Variants in FHOD3 observed in about 807,000 individuals in gnomAD.
The protein encoded by FHOD3 is formin homology 2 domain containing 3, also known as FH1/FH2 domain-containing protein 3.
Under a neutral mutation model 173.0 loss-of-function variants are expected in FHOD3, and 90 were observed. The ratio of observed to expected loss-of-function variants is 0.52; its 90% CI spans 0.44 to 0.62. The LOEUF (loss-of-function observed/expected upper bound fraction) is 0.62. Ranked by LOEUF, FHOD3 falls within the 20% of genes least tolerant of loss-of-function variation. The pLI is 0.00. For synonymous variants in FHOD3, 828 were observed against 823.0 expected (o/e 1.01, Z -0.10); for missense variants, 1,945 against 2,034.7 (o/e 0.96, Z 0.85).
At chr18:36,462,288 CGT>C (rs148480762) in intron 3 of FHOD3, among the ~76,000 whole-genome samples, 1,976 of 149,616 alleles carry the variant, frequency 0.013, 44 homozygotes, top group African/African-American at 0.046. Flanking sequence ...TCAGTTCTCT[CGT>C]GTGTGTGTGT....
At chr18:36,563,863 G>T (rs539128476) in intron 5 of FHOD3, among the ~76,000 whole-genome samples, 2 of 152,210 alleles carry the variant, frequency 1.3e-5, no homozygotes, top group South Asian at 2.1e-4. Flanking sequence ...CATATCAGCT[G>T]CACCCTTCTC....
chr18:36,350,201 C>T (rs1409250046), intron 1 of FHOD3, among the ~76,000 whole-genome samples: 2 of 152,174 alleles, frequency 1.3e-5, no homozygotes, highest in Admixed American at 6.5e-5. Flanking sequence ...TGAGGTCCTG[C>T]TTTATTGGTG....
At chr18:36,386,930 A>T (rs1341088535) in intron 3 of FHOD3, among the ~76,000 whole-genome samples, 1 of 152,168 alleles carries the variant, frequency 6.6e-6, no homozygotes, top group African/African-American at 2.4e-5. Context: ...TGTGGGTAGA[A>T]CTTCTGATGT....
chr18:36,326,635 G>A (rs111622653), intron 1 of FHOD3, among the ~76,000 whole-genome samples: 2,590 of 152,072 alleles, frequency 0.017, 65 homozygotes, highest in African/African-American at 0.058. Flanking sequence ...ATTAGTAGTC[G>A]CAGGTACTCG....
Position 36,568,071 on chromosome 18 carries a change from C to G in FHOD3, c.512-8380C>G, listed in dbSNP as rs1003619287. 4.6e-5 allele frequency among the ~76,000 whole-genome samples: 7 copies of G among 151,250 alleles called. No individual in the cohort carries two copies. In the East Asian group the frequency reaches 1.4e-3, roughly 30 times the overall value. On this transcript the variant is annotated intron_variant, in intron 5 of 28. Transcript: ENST00000590592. Reference sequence around the variant, plus strand: ...GGGTGTGGTGGCTCAAGCCTGTAATCCCAGCACTTTGGGAGGCTGAGGCAG... The same window carrying G: ...GGGTGTGGTGGCTCAAGCCTGTAATGCCAGCACTTTGGGAGGCTGAGGCAG...
chr18:36,364,979 C>G (rs1251725819), intron 2 of FHOD3, among the ~76,000 whole-genome samples: 1 of 152,112 alleles, frequency 6.6e-6, no homozygotes, highest in Non-Finnish European at 1.5e-5. Context: ...TTCCCAGGAG[C>G]TGAAATCTGT....
At chr18:36,564,865 G>C (rs979304065) in intron 5 of FHOD3, among the ~76,000 whole-genome samples, 1 of 152,116 alleles carries the variant, frequency 6.6e-6, no homozygotes, top group Non-Finnish European at 1.5e-5. Context: ...GGTAGAGAGA[G>C]GGTAGTAATT....
At chr18:36,713,593 A>G (rs1218563730) in intron 18 of FHOD3, among the ~76,000 whole-genome samples, 1 of 152,224 alleles carries the variant, frequency 6.6e-6, no homozygotes, top group Non-Finnish European at 1.5e-5. Flanking sequence ...GTTCTATAGG[A>G]TCAGTAGGGA....
intron 1 of FHOD3, among the ~76,000 whole-genome samples, chr18:36,350,932 C>T (rs2145679283): frequency 6.6e-6 from 1 of 152,306 alleles, no homozygotes; most frequent in Non-Finnish European, 1.5e-5. Flanking sequence ...ACCCCATCCC[C>T]ACATATTTAG....
chr18:36,701,535 G>A (rs1301950699), intron 17 of FHOD3, among the ~76,000 whole-genome samples: 1 of 152,092 alleles, frequency 6.6e-6, no homozygotes, highest in East Asian at 1.9e-4. Flanking sequence ...TTTAAATAGC[G>A]CTTTTAATCC....
chr18:36,570,102 G>A (rs1048740752), intron 5 of FHOD3, among the ~76,000 whole-genome samples: 1 of 151,842 alleles, frequency 6.6e-6, no homozygotes, highest in African/African-American at 2.4e-5. Context: ...GAAAATCAAT[G>A]AAACAAAAAG....
intron 28 of FHOD3, chr18:36,778,133 CA>C (rs1199291093): frequency 6.6e-6 from 1 of 152,170 alleles, no homozygotes; most frequent in Non-Finnish European, 1.5e-5. Flanking sequence ...ATAGGTCTTT[CA>C]GATCTTTTGT....
At chr18:36,506,527 G>A (rs1332232260) in intron 4 of FHOD3, among the ~76,000 whole-genome samples, 2 of 152,200 alleles carry the variant, frequency 1.3e-5, no homozygotes, top group Non-Finnish European at 2.9e-5. Flanking sequence ...TTGTTTGCAT[G>A]TTTGTCTTCA....
chr18:36,468,876 G>A (rs773276753), intron 3 of FHOD3, among the ~76,000 whole-genome samples: 5 of 152,248 alleles, frequency 3.3e-5, no homozygotes, highest in Admixed American at 6.5e-5. Context: ...TAATCCCACC[G>A]ACAGACACTG....
intron 1 of FHOD3, among the ~76,000 whole-genome samples, chr18:36,343,224 T>C (rs1466058347): frequency 6.6e-6 from 1 of 152,244 alleles, no homozygotes; most frequent in Non-Finnish European, 1.5e-5. Context: ...ATAGTAGTAT[T>C]ATTCATAGTA....
At chr18:36,329,526 T>C (rs2044870527) in intron 1 of FHOD3, among the ~76,000 whole-genome samples, 1 of 152,102 alleles carries the variant, frequency 6.6e-6, no homozygotes, top group African/African-American at 2.4e-5. Flanking sequence ...TCTCTCAAGA[T>C]GATGAAGGTG....
intron 15 of FHOD3, among the ~76,000 whole-genome samples, chr18:36,683,111 C>G (rs2038364526): frequency 6.6e-6 from 1 of 152,220 alleles, no homozygotes; most frequent in South Asian, 2.1e-4. Flanking sequence ...TGTCACATTT[C>G]TACCAAACGA....
At chr18:36,633,019 T>C (rs1294056598) in intron 10 of FHOD3, among the ~76,000 whole-genome samples, 3 of 152,216 alleles carry the variant, frequency 2.0e-5, no homozygotes, top group Non-Finnish European at 2.9e-5. Context: ...AGGGTTTGTG[T>C]CTTTTCTACC....
At position 36,686,968 on chromosome 18, in the gene FHOD3, A is replaced by G. The variant is rs570858779; in HGVS notation, c.1971-160A>G. Reference sequence around the variant, plus strand: ...CGATTGTATTTAATAATTTTGAAGTACAGGCTTTAAACTTTTAAAAATTCA... The same window carrying G: ...CGATTGTATTTAATAATTTTGAAGTGCAGGCTTTAAACTTTTAAAAATTCA... On this transcript the variant is annotated intron_variant, in intron 15 of 28. Transcript: ENST00000590592. Among the ~76,000 whole-genome samples, 116 of 152,360 alleles carry G rather than the reference A, an allele frequency of 7.6e-4. No individual in the cohort carries two copies. In the Middle Eastern group the frequency reaches 0.014, roughly 18 times the overall value.
Sources: gnomAD v4.1 joint callset for allele counts (sites outside exome capture counted in the v4.1 genomes callset) on GRCh38, gnomAD v4.1.1 for gene constraint, MANE v1.5 for transcripts, NCBI Gene and HGNC (gene_info 2026-07-23, HGNC 2026-07-21) for gene names.